The following KLHL3 variants were observed in gnomAD, a reference collection of about 807,000 sequenced individuals.
KLHL3 encodes the protein kelch like family member 3.
In KLHL3, 19 loss-of-function variants were observed where a neutral mutation model predicts 70.5. The ratio of observed to expected loss-of-function variants is 0.27; its 90% CI spans 0.19 to 0.40. The LOEUF (loss-of-function observed/expected upper bound fraction) is 0.40, where lower values mean the gene tolerates loss of function less well. Among genes scored for constraint, KLHL3 ranks in the 10% least tolerant of loss-of-function variants. KLHL3 has a pLI of 1.00. For missense variants in KLHL3, 512 were observed against 771.1 expected, an observed-to-expected ratio of 0.66 and a Z score of 3.98; for synonymous variants, 258 against 290.3, an observed-to-expected ratio of 0.89 and a Z score of 1.13.
intron 8 of KLHL3, among the ~76,000 whole-genome samples, chr5:137,650,017 G>C (rs1485485941): frequency 1.3e-5 from 2 of 152,092 alleles, no homozygotes; most frequent in Admixed American, 1.3e-4. Flanking sequence ...ATAAGATAAT[G>C]GGCATTACAT....
intron 3 of KLHL3, among the ~76,000 whole-genome samples, chr5:137,704,698 T>A (rs1232211293): frequency 6.6e-6 from 1 of 152,142 alleles, no homozygotes; most frequent in African/African-American, 2.4e-5. Flanking sequence ...TGAATAGCAG[T>A]CTCTATTCCT....
rs1438362186 is a variant in KLHL3, at chr5:137,698,326, G to A, written c.324C>T (p.Ile108=). ...CAGTCACCTCGATTTCAGCAGTATA[G>A]ATGTAGTCAATCAGCTTACTCAGCG... ...GQTLSKLIDY[I]YTAEIEVTEE... Residue 108 remains isoleucine, a synonymous_variant, in exon 4 of 15, where the codon ATC becomes ATT. Transcript: ENST00000309755. 2 of 1,614,102 alleles carry A rather than the reference G, an allele frequency of 1.2e-6. No homozygotes were observed. Among genetic ancestry groups the A allele is most frequent in the African/African-American group, 2.7e-5 (2 of 74,934 alleles).
rs375609606 is a variant in KLHL3, at chr5:137,660,255, C to T, written c.753+1660G>A. 7.2e-5 allele frequency among the ~76,000 whole-genome samples: 11 copies of T among 152,268 alleles called. 1 individual carries two copies. The highest frequency in any genetic ancestry group is 1.3e-4 in the Non-Finnish European group (9 of 68,026). ...CCCAGGAGCCATTTCCTAATGGTGA[C>T]GTTTGTTAAGCTTCAGTTGTGGATG... On this transcript the variant is annotated intron_variant, in intron 7 of 14. Transcript: ENST00000309755.
chr5:137,699,273 AG>A (rs1225782234), intron 3 of KLHL3, among the ~76,000 whole-genome samples: 1 of 152,204 alleles, frequency 6.6e-6, no homozygotes, highest in Non-Finnish European at 1.5e-5. Context: ...AAGAGAAGAA[AG>A]TACCAAAAGA....
At chr5:137,653,569 C>A (rs904441036) in intron 8 of KLHL3, among the ~76,000 whole-genome samples, 2 of 152,172 alleles carry the variant, frequency 1.3e-5, no homozygotes, top group Non-Finnish European at 2.9e-5. Context: ...CACAGACCTA[C>A]TAGAATGGCT....
intron 1 of KLHL3, 100 bp from the exon 2 acceptor site, chr5:137,720,684 C>A: frequency 6.4e-7 from 1 of 1,571,034 alleles, no homozygotes; most frequent in Non-Finnish European, 8.6e-7. Flanking sequence ...CTACCAGAGG[C>A]ATCTATCAGC....
chr5:137,699,824 G>A (rs1338008336), intron 3 of KLHL3, among the ~76,000 whole-genome samples: 1 of 152,158 alleles, frequency 6.6e-6, no homozygotes, highest in Non-Finnish European at 1.5e-5. Flanking sequence ...TCTCTCTGTG[G>A]AATTCATACA....
intron 6 of KLHL3, among the ~76,000 whole-genome samples, chr5:137,666,248 G>T (rs1163012567): frequency 6.6e-6 from 1 of 152,212 alleles, no homozygotes; most frequent in Non-Finnish European, 1.5e-5. Flanking sequence ...GGGAACAAGG[G>T]GTTGGAATCT....
intron 1 of KLHL3, among the ~76,000 whole-genome samples, chr5:137,731,863 T>G (rs977417468): frequency 6.6e-6 from 1 of 152,184 alleles, no homozygotes; most frequent in Non-Finnish European, 1.5e-5. Context: ...GTAAAATAGA[T>G]GTAACATAAA....
chr5:137,657,997 C>A (rs1195917455), intron 8 of KLHL3, 134 bp downstream of exon 8: 2 of 787,464 alleles, frequency 2.5e-6, no homozygotes, highest in East Asian at 5.1e-5. Context: ...AACCAGCAGA[C>A]TCCATCTCCT....
chr5:137,646,680 C>A (rs551732571), intron 8 of KLHL3, among the ~76,000 whole-genome samples: 1 of 152,282 alleles, frequency 6.6e-6, no homozygotes, highest in South Asian at 2.1e-4. Flanking sequence ...AACACCCAGG[C>A]CCAGGGAGTT....
At chr5:137,665,710 A>C (rs1751597285) in intron 6 of KLHL3, among the ~76,000 whole-genome samples, 1 of 152,214 alleles carries the variant, frequency 6.6e-6, no homozygotes, top group African/African-American at 2.4e-5. Flanking sequence ...AGGAGGAAAA[A>C]AGGACTCCAA....
Position 137,692,373 on chromosome 5 carries a change from C to A in KLHL3, c.438G>T (p.Gln146His), listed in dbSNP as rs1216853075. 6.2e-7 allele frequency: 1 copy of A among 1,613,912 alleles called. No individual in the cohort carries two copies. Among genetic ancestry groups the A allele is most frequent in the Non-Finnish European group, 8.5e-7 (1 of 1,180,034 alleles). The change falls in exon 5 of 15, where the codon CAG (glutamine) becomes CAT (histidine). Residue 146 changes from glutamine to histidine, a missense_variant. Coordinates refer to ENST00000309755, the MANE Select transcript of KLHL3 (RefSeq NM_017415.3). ...RQNCCDFLQS[Q>H]LHPTNCLGIR... ...TGCCCAGGCAATTGGTGGGATGCAA[C>A]TGAGACTGCAGGAAGTCACAGCAGT...
At chr5:137,733,047 G>A (rs1753205748) in intron 1 of KLHL3, among the ~76,000 whole-genome samples, 1 of 152,100 alleles carries the variant, frequency 6.6e-6, no homozygotes, top group African/African-American at 2.4e-5. Flanking sequence ...CAATCCCTTG[G>A]TTGAAATTTT....
intron 5 of KLHL3, among the ~76,000 whole-genome samples, chr5:137,688,492 T>TCTA (rs1375669081): frequency 6.6e-6 from 1 of 152,244 alleles, no homozygotes; most frequent in African/African-American, 2.4e-5. Context: ...TGGATGTCTG[T>TCTA]CTACACTGTC....
intron 7 of KLHL3, among the ~76,000 whole-genome samples, chr5:137,658,510 T>G (rs751478742): frequency 2.6e-5 from 4 of 152,224 alleles, no homozygotes; most frequent in Non-Finnish European, 5.9e-5. Context: ...ACGTCTCTGA[T>G]CCTCAGTTTC....
At chr5:137,730,296 A>G (rs1217101161) in intron 1 of KLHL3, among the ~76,000 whole-genome samples, 1 of 152,152 alleles carries the variant, frequency 6.6e-6, no homozygotes, top group African/African-American at 2.4e-5. Flanking sequence ...ACAACCCTTC[A>G]TGTCCCACTC....
chr5:137,693,198 A>T (rs868724911), intron 4 of KLHL3, among the ~76,000 whole-genome samples: 1 of 152,202 alleles, frequency 6.6e-6, no homozygotes, highest in Non-Finnish European at 1.5e-5. Context: ...AACAAGATTC[A>T]TTCCAAATCC....
At chr5:137,634,527 A>C (rs1750720616) in intron 11 of KLHL3, among the ~76,000 whole-genome samples, 1 of 152,224 alleles carries the variant, frequency 6.6e-6, no homozygotes, top group Non-Finnish European at 1.5e-5. Context: ...GATAGATGGA[A>C]AGCTAGAAGG....
Sources: allele counts gnomAD v4.1 joint callset (sites outside exome capture counted in the v4.1 genomes callset), GRCh38; gene constraint gnomAD v4.1.1; transcripts MANE v1.5; gene names NCBI Gene and HGNC (gene_info 2026-07-23, HGNC 2026-07-21).